The following SDK1 variants were observed in gnomAD, a reference collection of about 807,000 sequenced individuals.
SDK1 encodes the protein sidekick cell adhesion molecule 1, also known as protein sidekick-1.
SDK1 carries 157 observed loss-of-function variants against 245.5 expected under a neutral mutation model. The observed-to-expected ratio is 0.64, with a 90% CI of 0.56 to 0.73. SDK1 has a LOEUF of 0.73. SDK1 is among the 30% of genes least tolerant of loss of function. The pLI, the probability that SDK1 is intolerant of heterozygous loss-of-function variation, is 0.00. For synonymous variants in SDK1, 1,647 were observed against 1,278.5 expected, an observed-to-expected ratio of 1.29 and a Z score of -6.15; for missense variants, 3,583 against 3,002.3, an observed-to-expected ratio of 1.19 and a Z score of -4.52.
rs183871689 is a variant in SDK1, at chr7:3,522,499, T to A, written c.299-96581T>A. 2.0e-5 allele frequency among the ~76,000 whole-genome samples: 3 copies of A among 152,220 alleles called. No homozygotes were observed. The East Asian group carries it at 5.8e-4, about 29-fold the overall frequency. On this transcript the variant is annotated intron_variant, in intron 1 of 44. Transcript: ENST00000404826. Reference sequence around the variant, plus strand: ...TGGCATAAAATAAATACTTGGGAGTTCCTTGGATGCAGGGTGTTTGTCTTG... The same window carrying A: ...TGGCATAAAATAAATACTTGGGAGTACCTTGGATGCAGGGTGTTTGTCTTG...
chr7:3,635,534 C>G (rs1361313363), intron 2 of SDK1, among the ~76,000 whole-genome samples: 1 of 152,176 alleles, frequency 6.6e-6, no homozygotes, highest in African/African-American at 2.4e-5. Context: ...GTAGCATACA[C>G]TTTGTCTTTT....
rs767615079 is a variant in SDK1, at chr7:4,011,038, C to T, written c.2204C>T (p.Pro735Leu). ...MTGVTVSGLT[P>L]ARTYQFRVCA... The stretch of plus-strand genomic sequence containing the variant: ...GGCGTCACCGTGAGTGGCCTGACTC[C>T]GGCTCGTACCTATCAATTCCGGGTG... The change falls in exon 15 of 45, where the codon CCG becomes CTG. Residue 735 changes from proline (P) to leucine (L), a missense_variant. Pro to Leu is a moderately conservative substitution (Grantham distance 98). Transcript: ENST00000404826. 46 of 1,614,060 alleles carry T rather than the reference C, an allele frequency of 2.8e-5. No homozygotes were observed. Among genetic ancestry groups the T allele is most frequent in the South Asian group, 4.4e-5 (4 of 91,070 alleles).
chr7:3,463,676 C>A (rs111472913), intron 1 of SDK1, among the ~76,000 whole-genome samples: 2 of 152,136 alleles, frequency 1.3e-5, no homozygotes, highest in African/African-American at 2.4e-5. Flanking sequence ...CAGGAAAAAA[C>A]GATGGAGCCA....
intron 1 of SDK1, among the ~76,000 whole-genome samples, chr7:3,311,738 A>G (rs1239566606): frequency 6.6e-6 from 1 of 152,200 alleles, no homozygotes; most frequent in East Asian, 1.9e-4. Context: ...ACCCTGCTAT[A>G]AACACACAGA....
chr7:3,598,364 A>T (rs1471663005), intron 1 of SDK1, among the ~76,000 whole-genome samples: 4 of 152,232 alleles, frequency 2.6e-5, no homozygotes, highest in Admixed American at 2.6e-4. Context: ...ATTCAACTCA[A>T]CAGTGTGTTT....
intron 1 of SDK1, among the ~76,000 whole-genome samples, chr7:3,613,738 A>T (rs138300441): frequency 1.3e-5 from 2 of 152,212 alleles, no homozygotes; most frequent in African/African-American, 4.8e-5. Context: ...ATACCCATCA[A>T]TGATAGACTG....
chr7:4,096,771 A>G (rs1782172772), intron 22 of SDK1, among the ~76,000 whole-genome samples: 1 of 151,990 alleles, frequency 6.6e-6, no homozygotes, highest in Non-Finnish European at 1.5e-5. Flanking sequence ...AGAGGCCAGC[A>G]GGGCAGGTTC....
chr7:4,010,879 G>T, intron 14 of SDK1, 87 bp from the exon 15 acceptor site: 1 of 1,374,030 alleles, frequency 7.3e-7, no homozygotes, highest in East Asian at 2.3e-5. Context: ...CAAATGAGAT[G>T]TTCCCTGAGA....
intron 4 of SDK1, among the ~76,000 whole-genome samples, chr7:3,756,728 C>T (rs1779943924): frequency 1.3e-5 from 2 of 152,116 alleles, no homozygotes; most frequent in African/African-American, 4.8e-5. Context: ...ACAACTTTGA[C>T]CCTTTTGAAG....
At chr7:3,892,171 G>A (rs1436718406) in intron 5 of SDK1, among the ~76,000 whole-genome samples, 2 of 152,150 alleles carry the variant, frequency 1.3e-5, no homozygotes, top group Non-Finnish European at 2.9e-5. Context: ...TCAGGTTTTT[G>A]TAATGGCAGC....
intron 1 of SDK1, among the ~76,000 whole-genome samples, chr7:3,386,374 GT>G (rs1781610818): frequency 6.6e-6 from 1 of 152,180 alleles, no homozygotes; most frequent in Non-Finnish European, 1.5e-5. Context: ...CTTTAAAAGA[GT>G]TAAAGTTGAA....
At chr7:4,011,920 G>A (rs1785999256) in intron 15 of SDK1, among the ~76,000 whole-genome samples, 175 bp from the exon 16 acceptor site, 1 of 152,114 alleles carries the variant, frequency 6.6e-6, no homozygotes, top group South Asian at 2.1e-4. Flanking sequence ...ATGTTGATTT[G>A]TGGTAACTGT....
At chr7:4,171,924 G>T (rs1054810860) in intron 32 of SDK1, among the ~76,000 whole-genome samples, 2 of 152,194 alleles carry the variant, frequency 1.3e-5, no homozygotes, top group African/African-American at 4.8e-5. Flanking sequence ...GAACACAGGG[G>T]ACTCAGACGC....
chr7:3,440,145 G>T (rs776549181), intron 1 of SDK1, among the ~76,000 whole-genome samples: 69 of 152,244 alleles, frequency 4.5e-4, no homozygotes, highest in Middle Eastern at 6.8e-3. Flanking sequence ...ATTGTGCACC[G>T]TCCTGAGTAG....
intron 1 of SDK1, among the ~76,000 whole-genome samples, chr7:3,563,568 A>C (rs1166690238): frequency 6.6e-6 from 1 of 152,212 alleles, no homozygotes; most frequent in Non-Finnish European, 1.5e-5. Flanking sequence ...TCCAGCAACA[A>C]TTGACAGAAT....
chr7:3,455,279 T>TA (rs1225332132), intron 1 of SDK1, among the ~76,000 whole-genome samples: 1 of 152,040 alleles, frequency 6.6e-6, no homozygotes, highest in African/African-American at 2.4e-5. Flanking sequence ...AAGCAAAATT[T>TA]TAAATTTTGA....
chr7:3,962,530 T>A, intron 8 of SDK1, 127 bp from the exon 9 acceptor site: 1 of 835,884 alleles, frequency 1.2e-6, no homozygotes, highest in South Asian at 1.8e-5. Context: ...TATAGGGTGG[T>A]TGAAAGCACG....
At chr7:4,165,301 G>A (rs563700471) in intron 32 of SDK1, among the ~76,000 whole-genome samples, 3 of 152,252 alleles carry the variant, frequency 2.0e-5, no homozygotes, top group Non-Finnish European at 4.4e-5. Context: ...GGAGGTTGCA[G>A]TGAGCCAAGA....
At chr7:3,622,926 G>A (rs1026555120) in intron 2 of SDK1, among the ~76,000 whole-genome samples, 3 of 151,818 alleles carry the variant, frequency 2.0e-5, no homozygotes, top group African/African-American at 4.8e-5. Flanking sequence ...TATAAAACCT[G>A]TCTAAAAATC....
Sources: gnomAD v4.1 joint callset for allele counts (sites outside exome capture counted in the v4.1 genomes callset) on GRCh38, gnomAD v4.1.1 for gene constraint, MANE v1.5 for transcripts, NCBI Gene and HGNC (gene_info 2026-07-23, HGNC 2026-07-21) for gene names.